The following PEA15 variants were observed in gnomAD, a reference collection of about 807,000 sequenced individuals.
PEA15 encodes proliferation and apoptosis adaptor protein 15, also known as astrocytic phosphoprotein PEA-15.
For synonymous variants in PEA15, 60 were observed against 61.8 expected (o/e 0.97, Z 0.13); for missense variants, 77 against 161.3 (o/e 0.48, Z 2.83).
Position 160,208,566 on chromosome 1 carries a change from A to G in PEA15, c.-2-2977A>G, listed in dbSNP as rs667306. 1 allele frequency: 1,528,458 copies of G among 1,531,010 alleles called. 762,998 individuals carry two copies. The highest frequency in any genetic ancestry group is 1 in the East Asian group (40,826 of 40,826). 94.8% of individuals were successfully genotyped at this position (1,531,010 alleles called of 1,614,324 possible). A position where few individuals can be genotyped will look rare whatever the true frequency, so the allele number is the denominator to read the frequency against. On this transcript the variant is annotated intron_variant, in intron 1 of 3. Coordinates refer to ENST00000360472, the MANE Select transcript of PEA15 (RefSeq NM_003768.5). The surrounding 1 kb of genome is among the most constrained non-coding windows in gnomAD (Gnocchi z 4.1). ...AGCCCAGAGAGCAGATTTCTCCACG[A>G]GCCCTAAGGAAATCTGAATCTCTGG...
Position 160,208,847 on chromosome 1 carries a change from T to G in PEA15, c.-2-2696T>G. ...CTTTCTGTCCCTTCTTACTCACCAT[T>G]CCCTACACTCCTCCCATCTAGTGGT... On this transcript the variant is annotated intron_variant, in intron 1 of 3. Coordinates refer to ENST00000360472, the MANE Select transcript of PEA15 (RefSeq NM_003768.5). This position sits in a 1 kb window ranked among gnomAD's most constrained non-coding sequence, Gnocchi z 4.1. The G allele has an allele frequency of 1.4e-5, 8 of 554,174 alleles. No homozygotes were observed. Among genetic ancestry groups the G allele is most frequent in the Admixed American group, 2.9e-5 (1 of 34,092 alleles). 34.3% of individuals were successfully genotyped at this position (554,174 alleles called of 1,614,324 possible). A position where few individuals can be genotyped will look rare whatever the true frequency, so the allele number is the denominator to read the frequency against.
chr1:160,208,877 T>C lies in PEA15; in HGVS notation c.-2-2666T>C. 1.3e-5 allele frequency: 7 copies of C among 523,624 alleles called. No individual in the cohort carries two copies. Among genetic ancestry groups the C allele is most frequent in the Non-Finnish European group, 1.4e-5 (4 of 292,412 alleles). The allele number at this position is 523,624 out of a possible 1,614,324, so 32.4% of individuals were successfully genotyped here. A position where few individuals can be genotyped will look rare whatever the true frequency, so the allele number is the denominator to read the frequency against. ...ACACTCCTCCCATCTAGTGGTGTCATCCTAACGACTGGGGGTGGGGGGCAC... is the reference window on the plus strand; with the variant it reads ...ACACTCCTCCCATCTAGTGGTGTCACCCTAACGACTGGGGGTGGGGGGCAC... On this transcript the variant is annotated intron_variant, in intron 1 of 3. Transcript: ENST00000360472. This position sits in a 1 kb window ranked among gnomAD's most constrained non-coding sequence, Gnocchi z 4.1.
At chr1:160,206,859 G>T (rs1232941268) in intron 1 of PEA15, among the ~76,000 whole-genome samples, 2 of 152,176 alleles carry the variant, frequency 1.3e-5, no homozygotes, top group Non-Finnish European at 2.9e-5. Context: ...AGCTTTAATT[G>T]CTCTTCCCTT....
chr1:160,207,019 C>G (rs1654628158), intron 1 of PEA15: 1 of 152,534 alleles, frequency 6.6e-6, no homozygotes, highest in African/African-American at 2.4e-5. Flanking sequence ...GCCTCACTCT[C>G]TCACACAGAT....
In PEA15 at chr1:160,208,477, C is replaced by T. The variant is rs1384524638; in HGVS notation, c.-3+2955C>T. ...TCCTGTCCCAAGAATGGCCTCCGCC[C>T]AGACTGCCTGGTGATCCCTGAGCAG... On this transcript the variant is annotated intron_variant, in intron 1 of 3. Transcript: ENST00000360472. This position sits in a 1 kb window ranked among gnomAD's most constrained non-coding sequence, Gnocchi z 4.1. 3.6e-6 allele frequency: 3 copies of T among 842,328 alleles called. No individual in the cohort carries two copies. The highest frequency in any genetic ancestry group is 2.2e-5 in the Admixed American group (1 of 45,946). The allele number at this position is 842,328 out of a possible 1,614,324, so 52.2% of individuals were successfully genotyped here. A position where few individuals can be genotyped will look rare whatever the true frequency, so the allele number is the denominator to read the frequency against.
At position 160,205,758 on chromosome 1, in the gene PEA15, T is replaced by G. The variant is rs1654548878; in HGVS notation, c.-3+236T>G. ...GCCCGTTCCACGCTGAACGGCAGTTTGGGAGTCGGACCGGGGCCTGTGGAT... is the reference window on the plus strand; with the variant it reads ...GCCCGTTCCACGCTGAACGGCAGTTGGGGAGTCGGACCGGGGCCTGTGGAT... On this transcript the variant is annotated intron_variant, in intron 1 of 3. Coordinates refer to ENST00000360472, the MANE Select transcript of PEA15 (RefSeq NM_003768.5). This position sits in a 1 kb window ranked among gnomAD's most constrained non-coding sequence, Gnocchi z 5.9. 6.6e-6 allele frequency: 1 copy of G among 152,162 alleles called. No homozygotes were observed. Among genetic ancestry groups the G allele is most frequent in the South Asian group, 2.1e-4 (1 of 4,830 alleles). 9.4% of individuals were successfully genotyped at this position (152,162 alleles called of 1,614,324 possible). A position where few individuals can be genotyped will look rare whatever the true frequency, so the allele number is the denominator to read the frequency against.
chr1:160,205,862 T>C lies in PEA15; in HGVS notation c.-3+340T>C, dbSNP rs1333972202. On this transcript the variant is annotated intron_variant, in intron 1 of 3. Coordinates refer to ENST00000360472, the MANE Select transcript of PEA15 (RefSeq NM_003768.5). This position sits in a 1 kb window ranked among gnomAD's most constrained non-coding sequence, Gnocchi z 5.9. ...CTCCCTCCCCGCTCAGGCTTCGGAC[T>C]CGCCTCCGCTGGCGGTCTCCCGGCC... 6.6e-6 allele frequency: 1 copy of C among 151,752 alleles called. No individual in the cohort carries two copies. The highest frequency in any genetic ancestry group is 2.4e-5 in the African/African-American group (1 of 41,312). 9.4% of individuals were successfully genotyped at this position (151,752 alleles called of 1,614,324 possible). A position where few individuals can be genotyped will look rare whatever the true frequency, so the allele number is the denominator to read the frequency against.
intron 1 of PEA15, among the ~76,000 whole-genome samples, chr1:160,210,255 A>C (rs1654814370): frequency 6.6e-6 from 1 of 152,236 alleles, no homozygotes; most frequent in African/African-American, 2.4e-5. Context: ...GGTGATTTGC[A>C]GGCAGCCTCC....
Position 160,205,755 on chromosome 1 carries a change from G to C in PEA15, c.-3+233G>C, listed in dbSNP as rs985586177. 6.6e-6 allele frequency: 1 copy of C among 152,262 alleles called. No homozygotes were observed. Among genetic ancestry groups the C allele is most frequent in the African/African-American group, 2.4e-5 (1 of 41,448 alleles). 9.4% of individuals were successfully genotyped at this position (152,262 alleles called of 1,614,324 possible). On this transcript the variant is annotated intron_variant, in intron 1 of 3. Transcript: ENST00000360472. The surrounding 1 kb of genome is among the most constrained non-coding windows in gnomAD (Gnocchi z 5.9). Reference sequence around the variant, plus strand: ...CCAGCCCGTTCCACGCTGAACGGCAGTTTGGGAGTCGGACCGGGGCCTGTG... The same window carrying C: ...CCAGCCCGTTCCACGCTGAACGGCACTTTGGGAGTCGGACCGGGGCCTGTG...
Position 160,213,158 on chromosome 1 carries a change from A to G in PEA15, c.221A>G (p.Asp74Gly). The G allele has an allele frequency of 6.2e-7, 1 of 1,614,102 alleles. No individual in the cohort carries two copies. The highest frequency in any genetic ancestry group is 8.5e-7 in the Non-Finnish European group (1 of 1,179,992). Residue 74 changes from aspartate (D) to glycine (G), a missense_variant, in exon 3 of 4, where the codon GAC (aspartate) becomes GGC (glycine). Transcript: ENST00000360472. This position sits in a 1 kb window ranked among gnomAD's most constrained non-coding sequence, Gnocchi z 5.3. ...EHIFEISRRP[D>G]LLTMVVDYRT... is the part of the protein sequence containing the mutation. ...ATCTTTGAGATCTCCCGCCGTCCTG[A>G]CCTACTCACTATGGTGGTTGACTAC...
chr1:160,210,661 G>T (rs140958790), intron 1 of PEA15, among the ~76,000 whole-genome samples: 1 of 152,102 alleles, frequency 6.6e-6, no homozygotes, highest in Non-Finnish European at 1.5e-5. Flanking sequence ...AGAAGGGGGG[G>T]CAGTCCCCTT....
rs911303546 is a variant in PEA15 at position 160,214,060 on chromosome 1, A to G, written c.*574A>G. 1 of 158,418 alleles carries G rather than the reference A, an allele frequency of 6.3e-6. No homozygotes were observed. Among genetic ancestry groups the G allele is most frequent in the Non-Finnish European group, 1.4e-5 (1 of 71,260 alleles). The allele number at this position is 158,418 out of a possible 1,614,324, so 9.8% of individuals were successfully genotyped here. On this transcript the variant is annotated 3_prime_UTR_variant, in exon 4 of 4. Transcript: ENST00000360472. ...TGTCTCTCATGGGCCTAGCATAGGTATGAGCCAGGGATCCTTTCCTGGTCC... is the reference window on the plus strand; with the variant it reads ...TGTCTCTCATGGGCCTAGCATAGGTGTGAGCCAGGGATCCTTTCCTGGTCC...
chr1:160,211,506 G>A (rs772443693), intron 1 of PEA15, 37 bp from the exon 2 acceptor site: 3 of 1,575,302 alleles, frequency 1.9e-6, no homozygotes, highest in Non-Finnish European at 2.6e-6. Context: ...CATACCTTAA[G>A]CTCAACTCCT....
chr1:160,215,164 C>T lies in PEA15; in HGVS notation c.*1678C>T, dbSNP rs1376386701. 6.6e-6 allele frequency: 1 copy of T among 152,520 alleles called. No individual in the cohort carries two copies. The highest frequency in any genetic ancestry group is 1.5e-5 in the Non-Finnish European group (1 of 68,032). 9.4% of individuals were successfully genotyped at this position (152,520 alleles called of 1,614,324 possible). ...TTAGAGTGAGAGAGAGAATAAGGAG[C>T]CTTTCTTATGGAAGAAATGGGAGAA... is the stretch of plus-strand genomic sequence containing the variant. On this transcript the variant is annotated 3_prime_UTR_variant, in exon 4 of 4. Transcript: ENST00000360472.
chr1:160,208,562 C>T lies in PEA15; in HGVS notation c.-2-2981C>T. On this transcript the variant is annotated intron_variant, in intron 1 of 3. Coordinates refer to ENST00000360472, the MANE Select transcript of PEA15 (RefSeq NM_003768.5). The surrounding 1 kb of genome is among the most constrained non-coding windows in gnomAD (Gnocchi z 4.1). The stretch of plus-strand genomic sequence containing the variant: ...TCAGAGCCCAGAGAGCAGATTTCTC[C>T]ACGAGCCCTAAGGAAATCTGAATCT... 6.6e-7 allele frequency: 1 copy of T among 1,512,826 alleles called. No homozygotes were observed. The highest frequency in any genetic ancestry group is 9.0e-7 in the Non-Finnish European group (1 of 1,112,638). The allele number at this position is 1,512,826 out of a possible 1,614,324, so 93.7% of individuals were successfully genotyped here. A position where few individuals can be genotyped will look rare whatever the true frequency, so the allele number is the denominator to read the frequency against.
chr1:160,211,561 C>T lies in PEA15; in HGVS notation c.17C>T (p.Thr6Ile). 1 of 1,612,826 alleles carries T rather than the reference C, an allele frequency of 6.2e-7. No homozygotes were observed. The highest frequency in any genetic ancestry group is 8.5e-7 in the Non-Finnish European group (1 of 1,179,146). MAEYG[T>I]LLQDLTNNIT... ...ACCCCAGTCATGGCTGAGTACGGGA[C>T]CCTCCTGCAAGACCTGACCAACAAC... Residue 6 changes from threonine (T) to isoleucine (I), a missense_variant, in exon 2 of 4, where the codon ACC becomes ATC. Physicochemically the swap from Thr to Ile is moderately conservative, Grantham distance 89. Transcript: ENST00000360472.
At chr1:160,206,857 T>C (rs973304888) in intron 1 of PEA15, among the ~76,000 whole-genome samples, 2 of 152,172 alleles carry the variant, frequency 1.3e-5, no homozygotes, top group Non-Finnish European at 2.9e-5. Context: ...TTAGCTTTAA[T>C]TGCTCTTCCC....
At chr1:160,211,370 C>T in intron 1 of PEA15, 173 bp from the exon 2 acceptor site, 3 of 1,300,218 alleles carry the variant, frequency 2.3e-6, no homozygotes, top group Non-Finnish European at 3.0e-6. Flanking sequence ...TCTACCCTGA[C>T]TGCCTCCCCT....
chr1:160,211,844 GC>G, intron 2 of PEA15, 128 bp downstream of exon 2: 1 of 811,682 alleles, frequency 1.2e-6, no homozygotes, highest in Non-Finnish European at 1.9e-6. Context: ...GAAGAGAGGT[GC>G]TCTAAGAGTA....
Sources: gnomAD v4.1 joint callset for allele counts (sites outside exome capture counted in the v4.1 genomes callset) on GRCh38, gnomAD v4.1.1 for gene constraint, Gnocchi (gnomAD v3.1) non-coding constraint, MANE v1.5 for transcripts, NCBI Gene and HGNC (gene_info 2026-07-23, HGNC 2026-07-21) for gene names.